KIAA0586: variants seen among roughly 807,000 people sequenced by gnomAD.
KIAA0586 encodes the protein protein TALPID3.
Under a neutral mutation model 169.8 loss-of-function variants are expected in KIAA0586, and 144 were observed. The observed-to-expected ratio is 0.85, with a 90% CI of 0.74 to 0.97. The LOEUF is 0.97. Among genes scored for constraint, KIAA0586 ranks in the 50% least tolerant of loss-of-function variants. The probability of loss-of-function intolerance (pLI) is 0.00; values close to 1 mark genes in which losing one functional copy is unlikely to be tolerated. For missense variants in KIAA0586, 1,854 were observed against 1,823.0 expected (o/e 1.02, Z -0.31); for synonymous variants, 625 against 612.4 (o/e 1.02, Z -0.30).
chr14:58,561,874 T>G, the KIAA0586 span, among the ~76,000 whole-genome samples: 19 of 152,346 alleles, frequency 1.2e-4, no homozygotes, highest in South Asian at 3.9e-3. Flanking sequence ...TAGATGCATC[T>G]TGAATTCATT....
chr14:58,461,116 C>T lies in KIAA0586; in HGVS notation c.2015C>T (p.Pro672Leu), dbSNP rs749825699. Residue 672 changes from proline (P) to leucine (L), a missense_variant, in exon 14 of 31, where the codon CCT becomes CTT. By Grantham distance (98) the Pro-to-Leu change is moderately conservative. Coordinates refer to ENST00000652326, the MANE Select transcript of KIAA0586 (RefSeq NM_001329943.3). Reference protein sequence around the residue: ...GPYLRFNSPSPKSRPQRPKVI... With the variant: ...GPYLRFNSPSLKSRPQRPKVI... The stretch of plus-strand genomic sequence containing the variant: ...TATCTCAGATTTAATTCTCCATCTC[C>T]TAAGTCCAGACCACAGAGACCAAAA... 2.5e-6 allele frequency: 4 copies of T among 1,609,928 alleles called. No individual in the cohort carries two copies. Among genetic ancestry groups the T allele is most frequent in the Non-Finnish European group, 3.4e-6 (4 of 1,178,166 alleles).
At position 58,534,545 on chromosome 14, in the gene KIAA0586, C is replaced by T. The variant is rs571938328; in HGVS notation, c.4430-5526C>T. 2.6e-5 allele frequency among the ~76,000 whole-genome samples: 4 copies of T among 152,210 alleles called. No homozygotes were observed. In the South Asian group the frequency reaches 8.3e-4, roughly 32 times the overall value. On this transcript the variant is annotated intron_variant, in intron 29 of 30. Transcript: ENST00000652326. ...TCAATTAAATCAAGTGGCTGATTGT[C>T]GTAGAGCACGAAGTATCCTAGATAG...
intron 29 of KIAA0586, among the ~76,000 whole-genome samples, chr14:58,528,725 AAC>A (rs1199883668): frequency 6.6e-6 from 1 of 152,218 alleles, no homozygotes; most frequent in Non-Finnish European, 1.5e-5. Context: ...GGAAATTTCT[AAC>A]ACTAAATGCC....
chr14:58,534,287 C>T (rs2046154162), intron 29 of KIAA0586, among the ~76,000 whole-genome samples: 1 of 152,060 alleles, frequency 6.6e-6, no homozygotes, highest in Admixed American at 6.5e-5. Flanking sequence ...TAATAGTGAC[C>T]TTCTCTAACA....
intron 20 of KIAA0586, among the ~76,000 whole-genome samples, chr14:58,479,525 A>C (rs1221978466): frequency 1.3e-5 from 2 of 152,168 alleles, no homozygotes; most frequent in Non-Finnish European, 2.9e-5. Flanking sequence ...ATTTTGAAGA[A>C]GTCTAATTTA....
intron 26 of KIAA0586, among the ~76,000 whole-genome samples, chr14:58,494,988 C>G (rs1354388790): frequency 1.3e-5 from 2 of 152,176 alleles, no homozygotes; most frequent in Non-Finnish European, 2.9e-5. Flanking sequence ...ACACAGCCTC[C>G]TCGCTAGGAT....
Position 58,428,117 on chromosome 14 carries a change from A to G in KIAA0586, c.-148A>G, listed in dbSNP as rs537620706. ...ATAGTCAGCTCTAATCCTGGATTCAATATCAGAATTTAGATTTTCAGCTTT... is the reference window on the plus strand; with the variant it reads ...ATAGTCAGCTCTAATCCTGGATTCAGTATCAGAATTTAGATTTTCAGCTTT... On this transcript the variant is annotated 5_prime_UTR_variant, in exon 1 of 31. Coordinates refer to ENST00000652326, the MANE Select transcript of KIAA0586 (RefSeq NM_001329943.3). 4.8e-6 allele frequency: 7 copies of G among 1,465,238 alleles called. No individual in the cohort carries two copies. In the East Asian group the frequency reaches 9.9e-5, roughly 21 times the overall value. The allele number at this position is 1,465,238 out of a possible 1,614,324, so 90.8% of individuals were successfully genotyped here. A position where few individuals can be genotyped will look rare whatever the true frequency, so the allele number is the denominator to read the frequency against.
Position 58,457,886 on chromosome 14 carries a change from A to G in KIAA0586, c.1490A>G (p.Asn497Ser), listed in dbSNP as rs753633031. Residue 497 changes from asparagine to serine, a missense_variant, in exon 11 of 31, where the codon AAT (asparagine) becomes AGT (serine). By Grantham distance (46) the Asn-to-Ser change is conservative. Transcript: ENST00000652326. ...AAGATTTTGAGAGGAGTACAAAACA[A>G]TAAAAAAGTACTTGAAGAAAACCTG... ...AEKILRGVQN[N>S]KKVLEENLEA... 3.0e-5 allele frequency: 48 copies of G among 1,607,312 alleles called. No homozygotes were observed. In the African/African-American group the frequency reaches 4.3e-4, roughly 14 times the overall value.
At chr14:58,483,848 T>C (rs1025960992) in intron 21 of KIAA0586, among the ~76,000 whole-genome samples, 40 of 152,196 alleles carry the variant, frequency 2.6e-4, no homozygotes, top group African/African-American at 9.4e-4. Context: ...TTAAACATCA[T>C]TTGATGTATA....
intron 20 of KIAA0586, among the ~76,000 whole-genome samples, chr14:58,481,439 G>A (rs1410255121): frequency 6.6e-6 from 1 of 152,168 alleles, no homozygotes; most frequent in Non-Finnish European, 1.5e-5. Flanking sequence ...CACCTCAACT[G>A]CAGTAGATGT....
chr14:58,473,623 A>G (rs1480654247), intron 18 of KIAA0586, among the ~76,000 whole-genome samples: 2 of 152,134 alleles, frequency 1.3e-5, no homozygotes, highest in Non-Finnish European at 2.9e-5. Flanking sequence ...AAGAGACTTA[A>G]GGCCAGGTAC....
intron 9 of KIAA0586, among the ~76,000 whole-genome samples, chr14:58,455,818 A>G (rs1217740345): frequency 6.6e-6 from 1 of 152,124 alleles, no homozygotes; most frequent in Non-Finnish European, 1.5e-5. Context: ...GAAGTGAGTG[A>G]TTAGGACCTT....
At chr14:58,449,980 A>G (rs1405062678) in intron 7 of KIAA0586, among the ~76,000 whole-genome samples, 1 of 152,168 alleles carries the variant, frequency 6.6e-6, no homozygotes, top group Non-Finnish European at 1.5e-5. Context: ...AGCATTTTAT[A>G]CAACTTTTTT....
intron 26 of KIAA0586, 49 bp from the exon 27 acceptor site, chr14:58,498,734 G>C (rs1248186204): frequency 4.0e-6 from 6 of 1,504,406 alleles, no homozygotes; most frequent in Non-Finnish European, 5.4e-6. Flanking sequence ...TTCCTGTTTT[G>C]ACTTGATTTT....
At chr14:58,458,411 A>G in intron 11 of KIAA0586, 62 bp from the exon 12 acceptor site, 1 of 870,628 alleles carries the variant, frequency 1.1e-6, no homozygotes, top group Non-Finnish European at 1.8e-6. Context: ...GTTAGATCTG[A>G]TCCAAGTCCT....
chr14:58,545,424 A>G (rs1480760202), intron 30 of KIAA0586, among the ~76,000 whole-genome samples: 1 of 152,232 alleles, frequency 6.6e-6, no homozygotes, highest in Non-Finnish European at 1.5e-5. Flanking sequence ...ACGAAGGTAT[A>G]TACAAAGTGG....
At chr14:58,450,254 A>G (rs1595144072) in intron 7 of KIAA0586, among the ~76,000 whole-genome samples, 1 of 152,190 alleles carries the variant, frequency 6.6e-6, no homozygotes, top group East Asian at 1.9e-4. Context: ...AAGTATATAA[A>G]ACTTTAATTC....
At chr14:58,472,858 T>A (rs1383114269) in intron 18 of KIAA0586, among the ~76,000 whole-genome samples, 2 of 148,458 alleles carry the variant, frequency 1.3e-5, no homozygotes, top group Admixed American at 1.4e-4. Context: ...CTTTTAGAGC[T>A]AAGATCAGTT....
chr14:58,427,620 T>G, upstream of KIAA0586: 6 of 1,535,612 alleles, frequency 3.9e-6, no homozygotes, highest in Non-Finnish European at 4.4e-6. Flanking sequence ...CGCTTAGCTT[T>G]CTGGTTGGAT....
Sources: allele counts gnomAD v4.1 joint callset (sites outside exome capture counted in the v4.1 genomes callset), GRCh38; gene constraint gnomAD v4.1.1; transcripts MANE v1.5; gene names NCBI Gene and HGNC (gene_info 2026-07-23, HGNC 2026-07-21).